Variants in CNTNAP2 observed in about 807,000 individuals in gnomAD.
The protein encoded by CNTNAP2 is contactin-associated protein-like 2.
Under a neutral mutation model 155.2 loss-of-function variants are expected in CNTNAP2, and 98 were observed. That is an observed-to-expected ratio of 0.63 (90% CI 0.54 to 0.75). The LOEUF (loss-of-function observed/expected upper bound fraction) is 0.75, where lower values mean the gene tolerates loss of function less well. Ranked by LOEUF, CNTNAP2 falls within the 30% of genes least tolerant of loss-of-function variation. The pLI, the probability that CNTNAP2 is intolerant of heterozygous loss-of-function variation, is 0.00. For synonymous variants in CNTNAP2, 651 were observed against 631.2 expected, an observed-to-expected ratio of 1.03 and a Z score of -0.47; for missense variants, 1,727 against 1,688.1, an observed-to-expected ratio of 1.02 and a Z score of -0.40.
intron 12 of CNTNAP2, among the ~76,000 whole-genome samples, chr7:147,566,429 C>T (rs1480156178): frequency 2.0e-5 from 3 of 151,770 alleles, no homozygotes; most frequent in Admixed American, 2.0e-4. Context: ...AAAGAACTTC[C>T]CTGAGTTCGT....
chr7:146,934,167 A>G (rs1327397783), intron 3 of CNTNAP2, among the ~76,000 whole-genome samples: 3 of 151,938 alleles, frequency 2.0e-5, no homozygotes, highest in African/African-American at 7.2e-5. Context: ...CACTATTCAC[A>G]ATAGCAAAGA....
At position 148,177,625 on chromosome 7, in the gene CNTNAP2, G is replaced by A. The variant is rs1054607754; in HGVS notation, c.3010+5147G>A. Among the ~76,000 whole-genome samples, 3 of 152,274 alleles carry A rather than the reference G, an allele frequency of 2.0e-5. No homozygotes were observed. In the South Asian group the frequency reaches 6.2e-4, roughly 32 times the overall value. On this transcript the variant is annotated intron_variant, in intron 18 of 23. Coordinates refer to ENST00000361727, the MANE Select transcript of CNTNAP2 (RefSeq NM_014141.6). ...TGTGCTAAGCTTTCTAATTGTGTTA[G>A]CATCGTTTAATCCTCACCACAACCT...
At chr7:148,170,918 A>G (rs1460676718) in intron 17 of CNTNAP2, among the ~76,000 whole-genome samples, 1 of 152,188 alleles carries the variant, frequency 6.6e-6, no homozygotes, top group Non-Finnish European at 1.5e-5. Flanking sequence ...CCATGTTTAA[A>G]GACCTCCAAA....
intron 15 of CNTNAP2, among the ~76,000 whole-genome samples, chr7:148,026,937 G>C (rs939109201): frequency 1.3e-5 from 2 of 151,944 alleles, no homozygotes; most frequent in Non-Finnish European, 2.9e-5. Context: ...CCTCTGAGCA[G>C]AGGCAGCAGT....
intron 1 of CNTNAP2, among the ~76,000 whole-genome samples, chr7:146,139,130 G>A (rs1429721387): frequency 2.6e-5 from 4 of 152,076 alleles, no homozygotes; most frequent in African/African-American, 4.8e-5. Context: ...TCGTGATTGC[G>A]TGGGTGACTG....
chr7:147,319,099 G>T (rs1056696117), intron 9 of CNTNAP2, among the ~76,000 whole-genome samples: 1 of 152,176 alleles, frequency 6.6e-6, no homozygotes, highest in East Asian at 1.9e-4. Flanking sequence ...AACAAAAATT[G>T]TTGAGGTTTC....
intron 1 of CNTNAP2, among the ~76,000 whole-genome samples, chr7:146,286,364 A>G (rs888758725): frequency 6.6e-6 from 1 of 151,974 alleles, no homozygotes; most frequent in African/African-American, 2.4e-5. Flanking sequence ...AGTTCAGTCC[A>G]ATTGTTGGTG....
intron 15 of CNTNAP2, among the ~76,000 whole-genome samples, chr7:148,010,135 C>T (rs182032992): frequency 6.6e-6 from 1 of 152,048 alleles, no homozygotes; most frequent in African/African-American, 2.4e-5. Flanking sequence ...TGAGGCTAAA[C>T]TAATTTAATT....
At chr7:146,441,547 A>T (rs915018750) in intron 1 of CNTNAP2, among the ~76,000 whole-genome samples, 1 of 151,410 alleles carries the variant, frequency 6.6e-6, no homozygotes, top group African/African-American at 2.5e-5. Context: ...CCATCCATGG[A>T]TGTCAGTGTC....
intron 10 of CNTNAP2, among the ~76,000 whole-genome samples, chr7:147,441,997 G>C (rs553551915): frequency 6.6e-6 from 1 of 152,052 alleles, no homozygotes; most frequent in African/African-American, 2.4e-5. Context: ...CGCAGCATCT[G>C]TTGTAATCAC....
intron 3 of CNTNAP2, among the ~76,000 whole-genome samples, chr7:147,008,213 A>G (rs1798560348): frequency 6.6e-6 from 1 of 152,134 alleles, no homozygotes; most frequent in South Asian, 2.1e-4. Flanking sequence ...AATCCTGGTT[A>G]TAAGCGTATT....
chr7:146,928,727 C>T (rs1447524447), intron 3 of CNTNAP2, among the ~76,000 whole-genome samples: 2 of 152,106 alleles, frequency 1.3e-5, no homozygotes. Flanking sequence ...CGGGTCACTC[C>T]CACCCTAATA....
intron 3 of CNTNAP2, among the ~76,000 whole-genome samples, chr7:146,857,524 A>G (rs1434467818): frequency 1.3e-5 from 2 of 152,198 alleles, no homozygotes; most frequent in African/African-American, 4.8e-5. Context: ...CTGTATTAGT[A>G]TATTTAATTG....
At chr7:146,326,010 A>G (rs1449633115) in intron 1 of CNTNAP2, among the ~76,000 whole-genome samples, 2 of 152,214 alleles carry the variant, frequency 1.3e-5, no homozygotes, top group African/African-American at 2.4e-5. Flanking sequence ...TAAACCCTGA[A>G]AAGTTATATT....
intron 13 of CNTNAP2, among the ~76,000 whole-genome samples, chr7:147,669,568 A>T (rs1795753080): frequency 6.6e-6 from 1 of 152,166 alleles, no homozygotes. Flanking sequence ...GGGAATTCTT[A>T]TTTAGGTCAT....
chr7:146,695,967 A>G (rs986631876), intron 1 of CNTNAP2, among the ~76,000 whole-genome samples: 4 of 152,096 alleles, frequency 2.6e-5, no homozygotes, highest in Admixed American at 2.0e-4. Flanking sequence ...AGATTTTTGC[A>G]TTTATGTTCA....
At chr7:147,959,258 C>T (rs1004534707) in intron 14 of CNTNAP2, among the ~76,000 whole-genome samples, 15 of 151,990 alleles carry the variant, frequency 9.9e-5, no homozygotes, top group African/African-American at 1.9e-4. Flanking sequence ...TGCCTCATAG[C>T]GTCTTTCCAT....
At chr7:147,819,011 T>A (rs1412323185) in intron 13 of CNTNAP2, among the ~76,000 whole-genome samples, 1 of 152,206 alleles carries the variant, frequency 6.6e-6, no homozygotes, top group Non-Finnish European at 1.5e-5. Context: ...TCTTGATGTT[T>A]CTTGCCGCAT....
rs1454097330 is a variant in CNTNAP2 at position 148,388,780 on chromosome 7, A to G, written c.3715+4892A>G. On this transcript the variant is annotated intron_variant, in intron 22 of 23. Transcript: ENST00000361727. ...GGACCCTCAGCTGCAGGTCTGTTGGAGTTTGCTAGAGGTCCACTCCAGACC... is the reference window on the plus strand; with the variant it reads ...GGACCCTCAGCTGCAGGTCTGTTGGGGTTTGCTAGAGGTCCACTCCAGACC... 3.3e-5 allele frequency among the ~76,000 whole-genome samples: 5 copies of G among 151,954 alleles called. No homozygotes were observed. In the East Asian group the frequency reaches 9.7e-4, roughly 30 times the overall value.
Sources: gnomAD v4.1 joint callset for allele counts (sites outside exome capture counted in the v4.1 genomes callset) on GRCh38, gnomAD v4.1.1 for gene constraint, MANE v1.5 for transcripts, NCBI Gene and HGNC (gene_info 2026-07-23, HGNC 2026-07-21) for gene names.